RAB40C: variants seen among roughly 807,000 people sequenced by gnomAD.
RAB40C encodes the protein RAB40C, member RAS oncogene family.
Under a neutral mutation model 28.1 loss-of-function variants are expected in RAB40C, and 8 were observed. The observed-to-expected ratio is 0.28, with a 90% CI of 0.17 to 0.51. RAB40C has a LOEUF of 0.51. Ranked by LOEUF, RAB40C falls within the 20% of genes least tolerant of loss-of-function variation. RAB40C has a pLI of 0.97. For synonymous variants in RAB40C, 201 were observed against 171.7 expected (o/e 1.17, Z -1.34); for missense variants, 288 against 405.9 (o/e 0.71, Z 2.50).
In RAB40C at chr16:617,212, C is replaced by G. The variant is rs142098590; in HGVS notation, c.147C>G (p.Ile49Met). Reference protein sequence around the residue: ...AESPYAYSNGIDYKTTTILLD... With the variant: ...AESPYAYSNGMDYKTTTILLD... ...GCGCCCTGTGCTTCCTCGCAGGGATCGACTACAAGACCACCACCATCCTGC... is the reference window on the plus strand; with the variant it reads ...GCGCCCTGTGCTTCCTCGCAGGGATGGACTACAAGACCACCACCATCCTGC... Residue 49 changes from isoleucine (I) to methionine (M), a missense_variant, in exon 2 of 6, where the codon ATC becomes ATG. Ile to Met is a conservative substitution (Grantham distance 10). This residue lies in a region of RAB40C where 78 missense variants were observed against 88.2 expected (regional missense o/e 0.88). Coordinates refer to ENST00000248139, the MANE Select transcript of RAB40C (RefSeq NM_021168.5). 1 of 1,613,822 alleles carries G rather than the reference C, an allele frequency of 6.2e-7. No homozygotes were observed. Among genetic ancestry groups the G allele is most frequent in the Non-Finnish European group, 8.5e-7 (1 of 1,179,994 alleles).
chr16:604,165 C>T (rs906832092), intron 1 of RAB40C, among the ~76,000 whole-genome samples: 3 of 151,924 alleles, frequency 2.0e-5, no homozygotes, highest in Admixed American at 1.3e-4. Flanking sequence ...CTGATCCTCC[C>T]ACCTAGCAGC....
chr16:620,132 C>T (rs1004901086), intron 3 of RAB40C, among the ~76,000 whole-genome samples: 1 of 152,180 alleles, frequency 6.6e-6, no homozygotes, highest in Non-Finnish European at 1.5e-5. Context: ...CGGTGGTTCA[C>T]GCCTGTAATC....
chr16:621,024 A>T (rs1348479778), intron 3 of RAB40C, among the ~76,000 whole-genome samples: 2 of 152,216 alleles, frequency 1.3e-5, no homozygotes, highest in South Asian at 4.1e-4. Flanking sequence ...GTTCTTTCCA[A>T]AGCATCTGGC....
intron 1 of RAB40C, 90 bp from the exon 2 acceptor site, chr16:617,118 T>C: frequency 7.3e-7 from 1 of 1,377,928 alleles, no homozygotes; most frequent in Non-Finnish European, 1.0e-6. Flanking sequence ...GCGTGGGTCT[T>C]GGCCCTGGGA....
At chr16:595,870 G>A (rs996314387) in intron 1 of RAB40C, among the ~76,000 whole-genome samples, 1 of 152,194 alleles carries the variant, frequency 6.6e-6, no homozygotes, top group African/African-American at 2.4e-5. Context: ...CAAAGTGCTG[G>A]GATTACAAGG....
intron 4 of RAB40C, 39 bp downstream of exon 4, chr16:625,548 GCTGGATGGAGGTAC>G: frequency 1.3e-6 from 2 of 1,596,068 alleles, no homozygotes; most frequent in Non-Finnish European, 1.7e-6. Flanking sequence ...GGGAAGGCAG[GCTGGATGGAGGTAC>G]CTGGGCCCCG....
Position 604,280 on chromosome 16 carries a change from C to T in RAB40C, c.143-12928C>T, listed in dbSNP as rs145488924. Among the ~76,000 whole-genome samples, 624 of 152,110 alleles carry T rather than the reference C, an allele frequency of 4.1e-3. 2 individuals carry two copies. The highest frequency in any genetic ancestry group is 0.014 in the African/African-American group (562 of 41,490). On this transcript the variant is annotated intron_variant, in intron 1 of 5. Coordinates refer to ENST00000248139, the MANE Select transcript of RAB40C (RefSeq NM_021168.5). ...TTTTTCTTGTAAAATACAGAAAACA[C>T]GTCATTTTAGCCATATGTAGGGATA... is the stretch of plus-strand genomic sequence containing the variant.
chr16:606,628 C>T (rs565836849), intron 1 of RAB40C, among the ~76,000 whole-genome samples: 2 of 152,358 alleles, frequency 1.3e-5, no homozygotes, highest in East Asian at 3.9e-4. Flanking sequence ...GGCAGAATTC[C>T]GTTCTTGCTG....
At chr16:613,842 C>A (rs1292372720) in intron 1 of RAB40C, among the ~76,000 whole-genome samples, 2 of 152,024 alleles carry the variant, frequency 1.3e-5, no homozygotes, top group Non-Finnish European at 2.9e-5. Context: ...GCACCCAGGT[C>A]TAGACTTGGG....
chr16:595,355 C>T (rs1219080788), intron 1 of RAB40C, among the ~76,000 whole-genome samples: 17 of 152,254 alleles, frequency 1.1e-4, no homozygotes, highest in Admixed American at 6.5e-5. Context: ...GCTTGGGGTC[C>T]GGGAGGAGCC....
intron 1 of RAB40C, among the ~76,000 whole-genome samples, chr16:603,726 G>A (rs1029849592): frequency 6.6e-6 from 1 of 152,090 alleles, no homozygotes; most frequent in Non-Finnish European, 1.5e-5. Context: ...ATCCAAATCA[G>A]GAGCACATCC....
At chr16:621,171 C>T (rs1035160815) in intron 3 of RAB40C, among the ~76,000 whole-genome samples, 15 of 152,160 alleles carry the variant, frequency 9.9e-5, no homozygotes, top group African/African-American at 2.9e-4. Context: ...TTCCTTGCCC[C>T]GGGAGAAGCA....
intron 1 of RAB40C, among the ~76,000 whole-genome samples, chr16:605,734 C>G (rs2036348488): frequency 1.3e-5 from 2 of 152,316 alleles, no homozygotes; most frequent in South Asian, 4.1e-4. Flanking sequence ...TTGGGTGACT[C>G]TCACAGGGCT....
At chr16:593,550 C>G (rs568285741) in intron 1 of RAB40C, among the ~76,000 whole-genome samples, 34 of 152,364 alleles carry the variant, frequency 2.2e-4, no homozygotes, top group African/African-American at 7.5e-4. Flanking sequence ...TCCTTCAGCT[C>G]ACACCGGATC....
At chr16:598,526 A>G (rs1236900549) in intron 1 of RAB40C, among the ~76,000 whole-genome samples, 1 of 147,736 alleles carries the variant, frequency 6.8e-6, no homozygotes, top group Non-Finnish European at 1.5e-5. Flanking sequence ...GTGCCACTGC[A>G]CTCCAGCTTG....
rs544863812 is a variant in RAB40C at position 625,080 on chromosome 16, C to T, written c.265-352C>T. ...CGGGGGGATTCACTGATGGACTGGC[C>T]GAGAGGACACTTAGCTTCCACAGCT... is the stretch of plus-strand genomic sequence containing the variant. On this transcript the variant is annotated intron_variant, in intron 3 of 5. Transcript: ENST00000248139. 2.3e-5 allele frequency: 30 copies of T among 1,289,740 alleles called. No homozygotes were observed. The East Asian group carries it at 9.9e-4, about 43-fold the overall frequency. 79.9% of individuals were successfully genotyped at this position (1,289,740 alleles called of 1,614,324 possible). A position where few individuals can be genotyped will look rare whatever the true frequency, so the allele number is the denominator to read the frequency against.
intron 1 of RAB40C, among the ~76,000 whole-genome samples, chr16:614,894 G>T (rs890336342): frequency 6.6e-6 from 1 of 152,190 alleles, no homozygotes; most frequent in African/African-American, 2.4e-5. Context: ...ACCTCGTCCC[G>T]ATAGTGAACT....
At position 596,015 on chromosome 16, in the gene RAB40C, A is replaced by G. The variant is rs183027807; in HGVS notation, c.142+5582A>G. ...TAAGTTTGTCCAGAGGCCAGATGCC[A>G]GAACTTTTGGACAAGTGAGTTAATG... On this transcript the variant is annotated intron_variant, in intron 1 of 5. Coordinates refer to ENST00000248139, the MANE Select transcript of RAB40C (RefSeq NM_021168.5). Among the ~76,000 whole-genome samples the G allele has an allele frequency of 9.1e-4, 139 of 152,390 alleles. 1 individual carries two copies. The highest frequency in any genetic ancestry group is 1.1e-3 in the Admixed American group (17 of 15,308).
Position 627,657 on chromosome 16 carries a change from G to C in RAB40C, c.*35G>C. ...GCGGGGCCGCCTGTGCAGATGCCAGGAGGGCTCGAGCTGGACACTCCTGGC... is the reference window on the plus strand; with the variant it reads ...GCGGGGCCGCCTGTGCAGATGCCAGCAGGGCTCGAGCTGGACACTCCTGGC... On this transcript the variant is annotated 3_prime_UTR_variant, in exon 6 of 6. Transcript: ENST00000248139. The C allele has an allele frequency of 1.3e-6, 2 of 1,541,618 alleles. No individual in the cohort carries two copies. Among genetic ancestry groups the C allele is most frequent in the Non-Finnish European group, 1.8e-6 (2 of 1,142,466 alleles).
Sources: gnomAD v4.1 joint callset for allele counts (sites outside exome capture counted in the v4.1 genomes callset) on GRCh38, gnomAD v4.1.1 for gene constraint, gnomAD v4.1.1 regional missense constraint, MANE v1.5 for transcripts, NCBI Gene and HGNC (gene_info 2026-07-23, HGNC 2026-07-21) for gene names.